The following SKAP1 variants were observed in gnomAD, a reference collection of about 807,000 sequenced individuals.
SKAP1 encodes src kinase associated phosphoprotein 1, also known as src kinase-associated phosphoprotein 1.
In SKAP1, 44 loss-of-function variants were observed where a neutral mutation model predicts 58.5. That is an observed-to-expected ratio of 0.75 (90% confidence interval 0.59 to 0.97). SKAP1 has a LOEUF of 0.97. Among genes scored for constraint, SKAP1 ranks in the 50% least tolerant of loss-of-function variants. The pLI is 0.00. For synonymous variants in SKAP1, 127 were observed against 149.7 expected (o/e 0.85, Z 1.11); for missense variants, 390 against 435.2 (o/e 0.90, Z 0.92).
At chr17:48,165,379 TTTTCTTTCTTTCTTTC>T (rs143644816) in intron 10 of SKAP1, among the ~76,000 whole-genome samples, 1 of 128,332 alleles carries the variant, frequency 7.8e-6, no homozygotes, top group African/African-American at 2.9e-5. Flanking sequence ...CTTTCTTTTC[TTTTCTTTCTTTCTTTC>T]TTTCTTTCTT....
At chr17:48,391,156 T>C (rs1598646592) in intron 2 of SKAP1, among the ~76,000 whole-genome samples, 2 of 152,130 alleles carry the variant, frequency 1.3e-5, no homozygotes, top group African/African-American at 4.8e-5. Context: ...CTTAAAGATA[T>C]AAAATGAAAA....
rs139824843 is a variant in SKAP1, at chr17:48,229,395, C to T, written c.281-39895G>A. On this transcript the variant is annotated intron_variant, in intron 4 of 12. Coordinates refer to ENST00000336915, the MANE Select transcript of SKAP1 (RefSeq NM_003726.4). Reference sequence around the variant, plus strand: ...CAGCATTTTGGGAGGACGAGGTGGGCAGATCGCCTGAGGTCAGGAGTTTGT... The same window carrying T: ...CAGCATTTTGGGAGGACGAGGTGGGTAGATCGCCTGAGGTCAGGAGTTTGT... Among the ~76,000 whole-genome samples, 1,316 of 152,072 alleles carry T rather than the reference C, an allele frequency of 8.7e-3. 25 individuals are homozygous for T. The highest frequency in any genetic ancestry group is 0.03 in the African/African-American group (1,248 of 41,454).
At chr17:48,238,813 C>T (rs745650290) in intron 4 of SKAP1, among the ~76,000 whole-genome samples, 8 of 152,134 alleles carry the variant, frequency 5.3e-5, no homozygotes, top group Non-Finnish European at 1.0e-4. Flanking sequence ...ATCCTTGTCA[C>T]ACTTTATTTT....
At chr17:48,315,977 C>T (rs925058841) in intron 4 of SKAP1, among the ~76,000 whole-genome samples, 3 of 152,150 alleles carry the variant, frequency 2.0e-5, no homozygotes, top group African/African-American at 7.2e-5. Context: ...ATAAGGGATA[C>T]TCAACCTGTA....
chr17:48,170,585 C>G (rs373163984), intron 10 of SKAP1, 24 bp downstream of exon 10: 1 of 1,605,242 alleles, frequency 6.2e-7, no homozygotes, highest in Admixed American at 1.7e-5. Flanking sequence ...TACCCAGTGC[C>G]TGTGCATTTA....
chr17:48,349,636 G>A (rs1485415772), intron 3 of SKAP1, among the ~76,000 whole-genome samples: 1 of 152,150 alleles, frequency 6.6e-6, no homozygotes, highest in East Asian at 1.9e-4. Flanking sequence ...TTGGGCGTTA[G>A]ATACACTCCT....
At chr17:48,171,604 T>C (rs2064217721) in intron 9 of SKAP1, among the ~76,000 whole-genome samples, 1 of 152,200 alleles carries the variant, frequency 6.6e-6, no homozygotes, top group Non-Finnish European at 1.5e-5. Context: ...ATTATTTAGA[T>C]GTCTATCACC....
intron 4 of SKAP1, among the ~76,000 whole-genome samples, chr17:48,271,172 A>G (rs2065627495): frequency 6.6e-6 from 1 of 152,184 alleles, no homozygotes. Flanking sequence ...AATTAGCCAC[A>G]TCAGCAATTA....
intron 4 of SKAP1, among the ~76,000 whole-genome samples, chr17:48,259,547 T>A (rs1227710499): frequency 1.3e-5 from 2 of 152,146 alleles, no homozygotes; most frequent in African/African-American, 4.8e-5. Flanking sequence ...TATAAGAAAT[T>A]ATTAAGGATT....
chr17:48,181,676 C>T (rs2064370546), intron 8 of SKAP1, among the ~76,000 whole-genome samples: 1 of 152,276 alleles, frequency 6.6e-6, no homozygotes, highest in South Asian at 2.1e-4. Flanking sequence ...GTTGGTGTTT[C>T]TGCCTTTCTG....
chr17:48,401,607 A>G (rs1486258146), intron 1 of SKAP1, among the ~76,000 whole-genome samples: 1 of 152,204 alleles, frequency 6.6e-6, no homozygotes, highest in Non-Finnish European at 1.5e-5. Flanking sequence ...CTCACACCAT[A>G]TAAAAAAATT....
At chr17:48,430,774 G>C (rs568536794), upstream of SKAP1, among the ~76,000 whole-genome samples, 1 of 152,346 alleles carries the variant, frequency 6.6e-6, no homozygotes, top group African/African-American at 2.4e-5. Flanking sequence ...AAACCAAACT[G>C]TGCTGTTCTC....
intron 4 of SKAP1, among the ~76,000 whole-genome samples, chr17:48,282,493 G>A (rs2065779105): frequency 6.6e-6 from 1 of 152,108 alleles, no homozygotes; most frequent in Admixed American, 6.5e-5. Context: ...ACTGCTTTTG[G>A]CTGGGCAAGG....
intron 9 of SKAP1, among the ~76,000 whole-genome samples, chr17:48,176,061 A>G (rs2064285775): frequency 6.6e-6 from 1 of 152,206 alleles, no homozygotes; most frequent in South Asian, 2.1e-4. Flanking sequence ...TACAGGGGGA[A>G]AAATAATTCC....
intron 7 of SKAP1, among the ~76,000 whole-genome samples, chr17:48,183,601 A>C (rs1336453338): frequency 6.6e-6 from 1 of 150,864 alleles, no homozygotes; most frequent in Non-Finnish European, 1.5e-5. Flanking sequence ...AATTTCTATA[A>C]AAACATTTCT....
upstream of SKAP1, chr17:48,430,249 C>T (rs1470831485): frequency 1.0e-5 from 6 of 601,716 alleles, no homozygotes; most frequent in Admixed American, 1.9e-4. Context: ...CCAGCCCGGC[C>T]GCGGGGCGGG....
chr17:48,438,976 T>C, the SKAP1 span, among the ~76,000 whole-genome samples: 2 of 152,070 alleles, frequency 1.3e-5, no homozygotes, highest in Non-Finnish European at 2.9e-5. Flanking sequence ...AGTGGAGAAA[T>C]AGAAAACATC....
intron 2 of SKAP1, chr17:48,380,135 G>T (rs1402743048): frequency 1.3e-5 from 2 of 152,272 alleles, no homozygotes; most frequent in African/African-American, 2.4e-5. Flanking sequence ...ACAGGTCAGG[G>T]GTCCTCAGAG....
intron 4 of SKAP1, among the ~76,000 whole-genome samples, chr17:48,240,179 G>A (rs971493817): frequency 8.0e-5 from 12 of 150,696 alleles, no homozygotes; most frequent in African/African-American, 2.4e-4. Context: ...TGAGGGAGAA[G>A]GGAAAAAAAA....
Sources: allele counts gnomAD v4.1 joint callset (sites outside exome capture counted in the v4.1 genomes callset), GRCh38; gene constraint gnomAD v4.1.1; transcripts MANE v1.5; gene names NCBI Gene and HGNC (gene_info 2026-07-23, HGNC 2026-07-21).